The following NEDD4 variants were observed in gnomAD, a reference collection of about 807,000 sequenced individuals.
NEDD4 encodes NEDD4 E3 ubiquitin protein ligase.
A neutral mutation model predicts 144.9 loss-of-function variants in NEDD4; 99 were observed. The observed-to-expected ratio is 0.68, with a 90% CI of 0.58 to 0.81. NEDD4 has a LOEUF of 0.81. Ranked by LOEUF, NEDD4 falls within the 30% of genes least tolerant of loss-of-function variation. The pLI, the probability that NEDD4 is intolerant of heterozygous loss-of-function variation, is 0.00. For missense variants in NEDD4, 985 were observed against 1,065.9 expected (o/e 0.92, Z 1.06); for synonymous variants, 318 against 350.6 (o/e 0.91, Z 1.04).
chr15:55,880,447 C>T (rs1177971085), intron 5 of NEDD4, among the ~76,000 whole-genome samples: 8 of 150,930 alleles, frequency 5.3e-5, no homozygotes, highest in African/African-American at 1.5e-4. Context: ...AATACACAAA[C>T]CTGAAATATA....
At chr15:55,884,165 C>T (rs1055528245) in intron 5 of NEDD4, among the ~76,000 whole-genome samples, 2 of 152,122 alleles carry the variant, frequency 1.3e-5, no homozygotes, top group Admixed American at 6.5e-5. Flanking sequence ...CAGGCATGAG[C>T]CACCATGCCT....
intron 21 of NEDD4, among the ~76,000 whole-genome samples, chr15:55,839,997 A>AAAAAAAAAAAAAAAT (rs2033412217): frequency 4.2e-5 from 1 of 23,712 alleles, no homozygotes; most frequent in Non-Finnish European, 8.2e-5. Flanking sequence ...AAAAAAAAAA[A>AAAAAAAAAAAAAAAT]AAATATATAT....
intron 2 of NEDD4, among the ~76,000 whole-genome samples, chr15:55,958,596 G>A (rs2037376272): frequency 6.6e-6 from 1 of 151,956 alleles, no homozygotes; most frequent in Non-Finnish European, 1.5e-5. Flanking sequence ...TGCATCCAGT[G>A]ATATCATGTG....
chr15:55,924,333 A>T (rs1183628566), intron 5 of NEDD4: 3 of 253,210 alleles, frequency 1.2e-5, no homozygotes, highest in African/African-American at 6.6e-5. Flanking sequence ...AGTAGGAACC[A>T]GGGGTCATGG....
intron 5 of NEDD4, among the ~76,000 whole-genome samples, chr15:55,918,922 T>C (rs1263340295): frequency 6.6e-6 from 1 of 152,166 alleles, no homozygotes; most frequent in African/African-American, 2.4e-5. Context: ...TGGGGTCTAA[T>C]AACTCAAAGA....
Position 55,848,282 on chromosome 15 carries a change from A to G in NEDD4, c.1542+90T>C, listed in dbSNP as rs3759866. The G allele has an allele frequency of 2.5e-5, 31 of 1,232,396 alleles. No individual in the cohort carries two copies. In the East Asian group the frequency reaches 5.8e-4, roughly 23 times the overall value. 76.3% of individuals were successfully genotyped at this position (1,232,396 alleles called of 1,614,324 possible). A position where few individuals can be genotyped will look rare whatever the true frequency, so the allele number is the denominator to read the frequency against. On this transcript the variant is annotated intron_variant, in intron 17 of 28. Transcript: ENST00000435532. ...GAACGGCCAATGTGCTTTCCTCTCA[A>G]TGCCTGTAGGGTTATGCCCGTGACT...
intron 4 of NEDD4, among the ~76,000 whole-genome samples, chr15:55,944,198 G>A (rs1477252686): frequency 6.6e-6 from 1 of 152,230 alleles, no homozygotes; most frequent in Admixed American, 6.5e-5. Flanking sequence ...CCTCACCTCG[G>A]AAGTGCAAGG....
intron 21 of NEDD4, among the ~76,000 whole-genome samples, chr15:55,839,999 AATATATAT>A (rs1176994871): frequency 8.7e-3 from 224 of 25,884 alleles, no homozygotes; most frequent in Non-Finnish European, 0.012. Flanking sequence ...AAAAAAAAAA[AATATATAT>A]ATATATATAT....
chr15:55,925,156 T>C (rs1199483266), intron 4 of NEDD4, among the ~76,000 whole-genome samples: 2 of 152,202 alleles, frequency 1.3e-5, no homozygotes, highest in Non-Finnish European at 2.9e-5. Context: ...TTACATGAAA[T>C]AAGAGCAGAC....
At chr15:55,985,645 T>G (rs946670046) in intron 1 of NEDD4, among the ~76,000 whole-genome samples, 3 of 152,166 alleles carry the variant, frequency 2.0e-5, no homozygotes, top group Non-Finnish European at 1.5e-5. Flanking sequence ...GGTATTAGGT[T>G]TGAATTGGAA....
At position 55,860,694 on chromosome 15, in the gene NEDD4, T is replaced by C. The variant is rs1274072416; in HGVS notation, c.759A>G (p.Glu253=). 6.8e-6 allele frequency: 11 copies of C among 1,614,206 alleles called. No homozygotes were observed. Among genetic ancestry groups the C allele is most frequent in the Non-Finnish European group, 9.3e-6 (11 of 1,180,016 alleles). Reference sequence around the variant, plus strand: ...ACTCTCGGTTGTCAACACTTTCTGTTTCCTCGGATATCTGCCGCCTGGTGG... The same window carrying C: ...ACTCTCGGTTGTCAACACTTTCTGTCTCCTCGGATATCTGCCGCCTGGTGG... ...AFTTRRQISE[E]TESVDNRESS... is the part of the protein sequence containing the mutation. The change falls in exon 10 of 29, where the codon GAA becomes GAG. Residue 253 remains glutamate (E), a synonymous_variant. Transcript: ENST00000435532.
intron 1 of NEDD4, among the ~76,000 whole-genome samples, chr15:55,988,758 T>C (rs924257677): frequency 1.3e-5 from 2 of 152,076 alleles, no homozygotes; most frequent in African/African-American, 2.4e-5. Flanking sequence ...CACTAGAGTA[T>C]TTAAAGATGA....
chr15:55,922,891 T>G (rs2036594661), intron 5 of NEDD4, among the ~76,000 whole-genome samples: 1 of 152,198 alleles, frequency 6.6e-6, no homozygotes, highest in South Asian at 2.1e-4. Flanking sequence ...TTATATTATG[T>G]GGGCTTTTTT....
intron 1 of NEDD4, among the ~76,000 whole-genome samples, chr15:55,990,611 T>G (rs2037974872): frequency 6.6e-6 from 1 of 152,168 alleles, no homozygotes; most frequent in South Asian, 2.1e-4. Flanking sequence ...CTCCACCTCA[T>G]TTCCACTCTG....
chr15:55,981,929 A>C (rs2037810726), intron 1 of NEDD4, among the ~76,000 whole-genome samples: 1 of 152,224 alleles, frequency 6.6e-6, no homozygotes, highest in Admixed American at 6.5e-5. Context: ...TTATTCAATC[A>C]ATACTATATA....
intron 5 of NEDD4, among the ~76,000 whole-genome samples, chr15:55,890,576 T>A (rs1272716586): frequency 6.6e-6 from 1 of 152,258 alleles, no homozygotes; most frequent in Non-Finnish European, 1.5e-5. Context: ...TTATCCATTT[T>A]TCAGTTGATT....
At chr15:55,989,280 C>T (rs1447695130) in intron 1 of NEDD4, among the ~76,000 whole-genome samples, 1 of 152,110 alleles carries the variant, frequency 6.6e-6, no homozygotes, top group Non-Finnish European at 1.5e-5. Flanking sequence ...TAAAAATACA[C>T]TATATTTATT....
At chr15:55,861,693 T>A (rs905724644) in intron 9 of NEDD4, among the ~76,000 whole-genome samples, 4 of 152,076 alleles carry the variant, frequency 2.6e-5, no homozygotes, top group Admixed American at 1.3e-4. Context: ...AAATTAAAAT[T>A]AAAAAAAATC....
At chr15:55,927,077 C>CAAAAAAAAAAAAAAAAAAAAAAAAAAA (rs57940091) in intron 4 of NEDD4, among the ~76,000 whole-genome samples, 1 of 70,670 alleles carries the variant, frequency 1.4e-5, no homozygotes, top group Non-Finnish European at 2.7e-5. Context: ...GACTACGTCT[C>CAAAAAAAAAAAAAAAAAAAAAAAAAAA]AAAAAAAAAA....
Sources: allele counts gnomAD v4.1 joint callset (sites outside exome capture counted in the v4.1 genomes callset), GRCh38; gene constraint gnomAD v4.1.1; transcripts MANE v1.5; gene names NCBI Gene and HGNC (gene_info 2026-07-23, HGNC 2026-07-21).